Variants in NUBPL observed in about 807,000 individuals in gnomAD.
The protein encoded by NUBPL is NUBP iron-sulfur cluster assembly factor, mitochondrial, also known as iron-sulfur cluster transfer protein NUBPL.
Under a neutral mutation model 45.7 loss-of-function variants are expected in NUBPL, and 31 were observed. The ratio of observed to expected loss-of-function variants is 0.68; its 90% CI spans 0.51 to 0.92. NUBPL has a LOEUF of 0.92. Among genes scored for constraint, NUBPL ranks in the 40% least tolerant of loss-of-function variants. NUBPL has a pLI of 0.00. For synonymous variants in NUBPL, 144 were observed against 140.9 expected (o/e 1.02, Z -0.15); for missense variants, 401 against 398.7 (o/e 1.01, Z -0.05).
chr14:31,703,848 G>T (rs2185522), intron 6 of NUBPL, among the ~76,000 whole-genome samples: 44,937 of 152,046 alleles, frequency 0.3, 7,491 homozygotes, highest in South Asian at 0.41. Context: ...TCTCCTTGGT[G>T]CCTGCATTTA....
chr14:31,726,503 A>G (rs1214333996), intron 6 of NUBPL, among the ~76,000 whole-genome samples: 2 of 152,214 alleles, frequency 1.3e-5, no homozygotes, highest in Non-Finnish European at 2.9e-5. Flanking sequence ...TTTTTCTGGA[A>G]TGTGTCAGGC....
chr14:31,744,665 G>A lies in NUBPL; in HGVS notation c.514-43115G>A, dbSNP rs1340562802. ...GAGATGGAGTCTCACTCTGTCACCC[G>A]GGCTGGAATGCAGTGGCACAATCTC... On this transcript the variant is annotated intron_variant, in intron 6 of 10. Transcript: ENST00000281081. 1.2e-4 allele frequency among the ~76,000 whole-genome samples: 17 copies of A among 137,870 alleles called. No individual in the cohort carries two copies. The East Asian group carries it at 2.2e-3, about 18-fold the overall frequency. The allele number at this position is 137,870 out of a possible 152,430, so 90.4% of individuals were successfully genotyped here. A position where few individuals can be genotyped will look rare whatever the true frequency, so the allele number is the denominator to read the frequency against.
At chr14:31,762,451 A>G (rs1479457704) in intron 6 of NUBPL, among the ~76,000 whole-genome samples, 2 of 152,176 alleles carry the variant, frequency 1.3e-5, no homozygotes, top group Non-Finnish European at 2.9e-5. Context: ...TTCCTCTTAT[A>G]TGGAAATCAT....
intron 6 of NUBPL, among the ~76,000 whole-genome samples, chr14:31,700,784 G>T (rs1177110891): frequency 2.6e-5 from 4 of 152,164 alleles, no homozygotes; most frequent in Non-Finnish European, 5.9e-5. Flanking sequence ...CCCCTCCACA[G>T]GGCAGGGCTC....
chr14:31,815,751 G>A (rs2039902293), intron 7 of NUBPL, among the ~76,000 whole-genome samples: 1 of 152,050 alleles, frequency 6.6e-6, no homozygotes, highest in Non-Finnish European at 1.5e-5. Flanking sequence ...ATGAAGTGGT[G>A]TTGAATTTTA....
chr14:31,839,632 C>A, intron 8 of NUBPL, among the ~76,000 whole-genome samples: 1 of 151,936 alleles, frequency 6.6e-6, no homozygotes, highest in South Asian at 2.1e-4. Context: ...TCTGAACAGC[C>A]AAGAAAACAA....
At chr14:31,776,058 G>A (rs1056549658) in intron 6 of NUBPL, among the ~76,000 whole-genome samples, 14 of 152,194 alleles carry the variant, frequency 9.2e-5, no homozygotes, top group Admixed American at 5.9e-4. Flanking sequence ...ATTTCTTTTC[G>A]TGTTCTAAGT....
At chr14:31,786,676 A>T (rs532001516) in intron 6 of NUBPL, among the ~76,000 whole-genome samples, 1 of 152,240 alleles carries the variant, frequency 6.6e-6, no homozygotes, top group Admixed American at 6.5e-5. Context: ...AAATGAATGA[A>T]CAGGTGATTA....
chr14:31,688,028 C>A (rs2036994658), intron 6 of NUBPL, among the ~76,000 whole-genome samples: 1 of 152,112 alleles, frequency 6.6e-6, no homozygotes, highest in Non-Finnish European at 1.5e-5. Flanking sequence ...ATTGAAAATG[C>A]AGCTTATATA....
chr14:31,577,976 T>A (rs2033761102), intron 3 of NUBPL: 1 of 1,289,062 alleles, frequency 7.8e-7, no homozygotes, highest in African/African-American at 1.5e-5. Context: ...GACTGCGTCT[T>A]AAATCATCTG....
At position 31,629,649 on chromosome 14, in the gene NUBPL, A is replaced by G. The variant is rs377627595; in HGVS notation, c.382+30270A>G. On this transcript the variant is annotated intron_variant, in intron 4 of 10. Transcript: ENST00000281081. The stretch of plus-strand genomic sequence containing the variant: ...CACATAATTGCTTTAAATAATATAT[A>G]GGAGATCAGAGAATGACAAGACTGA... Among the ~76,000 whole-genome samples the G allele has an allele frequency of 2.6e-4, 39 of 152,302 alleles. No homozygotes were observed. The East Asian group carries it at 6.0e-3, about 23-fold the overall frequency.
chr14:31,643,987 T>C (rs989692938), intron 4 of NUBPL, among the ~76,000 whole-genome samples: 1 of 152,010 alleles, frequency 6.6e-6, no homozygotes, highest in African/African-American at 2.4e-5. Context: ...TGAGTTGTTA[T>C]ATCTCCTTTA....
intron 8 of NUBPL, among the ~76,000 whole-genome samples, chr14:31,839,962 G>C (rs990775776): frequency 2.6e-5 from 4 of 152,136 alleles, no homozygotes; most frequent in Non-Finnish European, 5.9e-5. Context: ...AAAAGTGTTG[G>C]CGAGGATGTG....
intron 6 of NUBPL, among the ~76,000 whole-genome samples, chr14:31,683,900 T>C (rs1270210197): frequency 1.3e-5 from 2 of 152,226 alleles, no homozygotes; most frequent in African/African-American, 4.8e-5. Flanking sequence ...TCTTAAATGA[T>C]GTTCCACTGT....
At chr14:31,604,911 G>A (rs554501927) in intron 4 of NUBPL, among the ~76,000 whole-genome samples, 1 of 152,268 alleles carries the variant, frequency 6.6e-6, no homozygotes, top group African/African-American at 2.4e-5. Flanking sequence ...ATGTTATCAT[G>A]CAAAATTATG....
intron 7 of NUBPL, among the ~76,000 whole-genome samples, chr14:31,810,994 G>A (rs578245469): frequency 6.6e-6 from 1 of 152,310 alleles, no homozygotes; most frequent in East Asian, 1.9e-4. Context: ...TCCACTGTTA[G>A]TCTGATGGGC....
At chr14:31,817,598 A>C (rs1375001028) in intron 7 of NUBPL, among the ~76,000 whole-genome samples, 5 of 152,126 alleles carry the variant, frequency 3.3e-5, no homozygotes, top group Admixed American at 3.3e-4. Flanking sequence ...AGCAAAGCAA[A>C]AGAGAAATAA....
intron 6 of NUBPL, among the ~76,000 whole-genome samples, chr14:31,781,170 ATAG>A (rs1394798887): frequency 5.3e-5 from 8 of 152,238 alleles, no homozygotes; most frequent in Non-Finnish European, 1.2e-4. Flanking sequence ...TCACTGCCAA[ATAG>A]TAGTTACTCA....
chr14:31,710,420 C>T (rs557813080), intron 6 of NUBPL, among the ~76,000 whole-genome samples: 20 of 152,220 alleles, frequency 1.3e-4, no homozygotes, highest in African/African-American at 4.1e-4. Flanking sequence ...CGCTCACCAA[C>T]GCAGCAGCAG....
Sources: gnomAD v4.1 joint callset for allele counts (sites outside exome capture counted in the v4.1 genomes callset) on GRCh38, gnomAD v4.1.1 for gene constraint, MANE v1.5 for transcripts, NCBI Gene and HGNC (gene_info 2026-07-23, HGNC 2026-07-21) for gene names.